CHD7: variants seen among roughly 807,000 people sequenced by gnomAD.
CHD7 encodes the protein ATP-dependent chromatin remodeler CHD7.
In CHD7, 24 loss-of-function variants were observed where a neutral mutation model predicts 307.3. That is an observed-to-expected ratio of 0.08 (90% confidence interval 0.06 to 0.11). CHD7 has a LOEUF of 0.11. CHD7 is among the 10% of genes least tolerant of loss of function. The pLI is 1.00. For synonymous variants in CHD7, 1,363 were observed against 1,349.9 expected, an observed-to-expected ratio of 1.01 and a Z score of -0.21; for missense variants, 3,106 against 3,727.1, an observed-to-expected ratio of 0.83 and a Z score of 4.34.
intron 1 of CHD7, among the ~76,000 whole-genome samples, chr8:60,713,565 A>C (rs1807395571): frequency 6.6e-6 from 1 of 152,224 alleles, no homozygotes; most frequent in African/African-American, 2.4e-5. Context: ...TTTTAGCAGC[A>C]ATCCTAGAAT....
chr8:60,685,112 G>A (rs1563513622), intron 1 of CHD7, among the ~76,000 whole-genome samples: 1 of 152,204 alleles, frequency 6.6e-6, no homozygotes, highest in Non-Finnish European at 1.5e-5. Context: ...GAAGATTTGA[G>A]AAGGAAGCTC....
chr8:60,840,704 A>G (rs11989183), intron 19 of CHD7, among the ~76,000 whole-genome samples: 124,917 of 151,386 alleles, frequency 0.83, 52,037 homozygotes, highest in East Asian at 0.94. Context: ...TGCAACCTCC[A>G]CCTCCTGGGT....
At chr8:60,773,620 T>C (rs1810814719) in intron 2 of CHD7, among the ~76,000 whole-genome samples, 1 of 152,180 alleles carries the variant, frequency 6.6e-6, no homozygotes, top group African/African-American at 2.4e-5. Context: ...TGGCGAAAAC[T>C]GGCTTAGTTA....
intron 20 of CHD7, 25 bp from the exon 21 acceptor site, chr8:60,841,822 A>G: frequency 6.2e-7 from 1 of 1,609,622 alleles, no homozygotes; most frequent in Middle Eastern, 1.7e-4. Flanking sequence ...AGAAATGTCA[A>G]ATGTATCTCC....
At chr8:60,861,406 T>C (rs1805967181) in intron 35 of CHD7, 3 of 342,072 alleles carry the variant, frequency 8.8e-6, no homozygotes, top group Non-Finnish European at 1.6e-5. Flanking sequence ...TCTTCAGTTA[T>C]TCTTTCCATG....
chr8:60,777,990 A>G (rs935411736), intron 2 of CHD7, among the ~76,000 whole-genome samples: 2 of 150,006 alleles, frequency 1.3e-5, no homozygotes, highest in Non-Finnish European at 3.0e-5. Flanking sequence ...GTAATATCAG[A>G]TGTTAATGGC....
intron 5 of CHD7, 31 bp downstream of exon 5, chr8:60,800,556 G>A (rs907072629): frequency 1.2e-5 from 16 of 1,378,866 alleles, no homozygotes; most frequent in Non-Finnish European, 1.4e-5. Context: ...ATTTATGGAT[G>A]CATTTTAAAG....
intron 9 of CHD7, 133 bp from the exon 10 acceptor site, chr8:60,821,653 CACAT>C (rs1159295804): frequency 1.0e-4 from 62 of 597,884 alleles, no homozygotes; most frequent in Non-Finnish European, 1.3e-4. Context: ...CATATATATA[CACAT>C]ACATATATAT....
chr8:60,838,303 A>G, intron 19 of CHD7, 48 bp downstream of exon 19: 1 of 1,511,144 alleles, frequency 6.6e-7, no homozygotes, highest in Non-Finnish European at 9.0e-7. Flanking sequence ...AGCATGACAG[A>G]GTTCATGTGA....
chr8:60,679,204 C>CGGGGCGAGGGGCGA (rs576943384), intron 1 of CHD7, 122 bp downstream of exon 1: 2 of 145,244 alleles, frequency 1.4e-5, no homozygotes, highest in African/African-American at 2.5e-5. Flanking sequence ...TGGGCGTGTG[C>CGGGGCGAGGGGCGA]GGGGCGAGGG....
Position 60,841,838 on chromosome 8 carries a change from TA to T in CHD7, c.4645-8del. 1 of 1,608,348 alleles carries T rather than the reference TA, an allele frequency of 6.2e-7. No homozygotes were observed. Among genetic ancestry groups the T allele is most frequent in the South Asian group, 1.1e-5 (1 of 90,416 alleles). On this transcript the variant is annotated splice_polypyrimidine_tract_variant and splice_region_variant and intron_variant, in intron 20 of 37. Coordinates refer to ENST00000423902, the MANE Select transcript of CHD7 (RefSeq NM_017780.4). ...GAAATGTCAAATGTATCTCCTCTTT[TA>T]TTATTAGAACAACCTGGTTATTGAT...
At chr8:60,793,010 G>T (rs1273055698) in intron 3 of CHD7, among the ~76,000 whole-genome samples, 1 of 152,260 alleles carries the variant, frequency 6.6e-6, no homozygotes, top group African/African-American at 2.4e-5. Flanking sequence ...GCTTTAGTCA[G>T]TGGCATCCAG....
At chr8:60,715,386 G>A (rs866763166) in intron 1 of CHD7, among the ~76,000 whole-genome samples, 1 of 146,916 alleles carries the variant, frequency 6.8e-6, no homozygotes, top group Admixed American at 6.9e-5. Flanking sequence ...TGCAGTGGCC[G>A]ATCTCACCTC....
chr8:60,838,348 G>A (rs1804829314), intron 19 of CHD7, 93 bp downstream of exon 19: 1 of 1,136,100 alleles, frequency 8.8e-7, no homozygotes, highest in Non-Finnish European at 1.3e-6. Flanking sequence ...AAGATGCATT[G>A]GGAATTAATC....
intron 21 of CHD7, among the ~76,000 whole-genome samples, chr8:60,843,309 G>T (rs4449834): frequency 0.71 from 108,515 of 152,144 alleles, 39,610 homozygotes; most frequent in East Asian, 0.93. Context: ...CAAAAGCCCT[G>T]CCCCGCAAAA....
chr8:60,825,197 A>C (rs1321143080), intron 13 of CHD7: 1 of 152,340 alleles, frequency 6.6e-6, no homozygotes, highest in East Asian at 1.9e-4. Context: ...ATTACCAAAA[A>C]ACACCTAAAA....
At chr8:60,777,220 T>C (rs1383897374) in intron 2 of CHD7, among the ~76,000 whole-genome samples, 1 of 152,204 alleles carries the variant, frequency 6.6e-6, no homozygotes. Flanking sequence ...TGTATGTAAA[T>C]AAACATGTAA....
intron 2 of CHD7, among the ~76,000 whole-genome samples, chr8:60,764,888 G>A (rs894423021): frequency 1.2e-4 from 19 of 152,214 alleles, no homozygotes; most frequent in African/African-American, 4.6e-4. Flanking sequence ...TCATAGAACA[G>A]CAAATGTTGC....
chr8:60,695,827 C>A (rs188651209), intron 1 of CHD7, among the ~76,000 whole-genome samples: 167 of 152,286 alleles, frequency 1.1e-3, no homozygotes, highest in African/African-American at 3.7e-3. Context: ...TAAAAATATT[C>A]TTTATGCTGC....
Sources: allele counts gnomAD v4.1 joint callset (sites outside exome capture counted in the v4.1 genomes callset), GRCh38; gene constraint gnomAD v4.1.1; transcripts MANE v1.5; gene names NCBI Gene and HGNC (gene_info 2026-07-23, HGNC 2026-07-21).